TRIP12: variants seen among roughly 807,000 people sequenced by gnomAD.
The protein encoded by TRIP12 is thyroid hormone receptor interactor 12.
TRIP12 carries 25 observed loss-of-function variants against 244.2 expected under a neutral mutation model. The ratio of observed to expected loss-of-function variants is 0.10; its 90% CI spans 0.07 to 0.14. The LOEUF (loss-of-function observed/expected upper bound fraction) is 0.14, where lower values mean the gene tolerates loss of function less well. TRIP12 is among the 10% of genes least tolerant of loss of function. The probability of loss-of-function intolerance (pLI) is 1.00; values close to 1 mark genes in which losing one functional copy is unlikely to be tolerated. For missense variants in TRIP12, 1,677 were observed against 2,486.4 expected, an observed-to-expected ratio of 0.67 and a Z score of 6.92; for synonymous variants, 905 against 873.1, an observed-to-expected ratio of 1.04 and a Z score of -0.64.
chr2:229,861,775 T>A (rs1323800599), intron 2 of TRIP12, among the ~76,000 whole-genome samples: 1 of 152,166 alleles, frequency 6.6e-6, no homozygotes, highest in Non-Finnish European at 1.5e-5. Flanking sequence ...ATTAGCTTCT[T>A]AAGAAAGGAA....
chr2:229,768,895 G>C (rs548606292), intron 40 of TRIP12, among the ~76,000 whole-genome samples, 176 bp from the exon 41 acceptor site: 1 of 152,108 alleles, frequency 6.6e-6, no homozygotes, highest in Non-Finnish European at 1.5e-5. Flanking sequence ...AATTCAAATG[G>C]AATGATTACA....
Position 229,859,036 on chromosome 2 carries a change from A to T in TRIP12, c.763T>A (p.Ser255Thr). ...SSSSSAVASA[S>T]STVPPGARVK... ...CTGGCACCTGGTGGTACAGTGGAGG[A>T]GGCCGAGGCTACAGCAGAAGACGAG... Residue 255 changes from serine to threonine, a missense_variant, in exon 4 of 42, where the codon TCC becomes ACC. Physicochemically the swap from Ser to Thr is moderately conservative, Grantham distance 58. Transcript: ENST00000675903. The T allele has an allele frequency of 8.7e-6, 14 of 1,614,156 alleles. No individual in the cohort carries two copies. Among genetic ancestry groups the T allele is most frequent in the Non-Finnish European group, 1.0e-5 (12 of 1,180,026 alleles).
In TRIP12 at chr2:229,769,219, C is replaced by G. The variant is rs963005391; in HGVS notation, c.5903+12G>C. ...AGAATCAACAGAAAAACTGGCAGAC[C>G]CCAGTACTTACCTGTCATGAGTATA... On this transcript the variant is annotated intron_variant, in intron 40 of 41. Transcript: ENST00000675903. 2.7e-5 allele frequency: 43 copies of G among 1,609,748 alleles called. No individual in the cohort carries two copies. The highest frequency in any genetic ancestry group is 3.6e-5 in the Non-Finnish European group (42 of 1,177,738).
At position 229,834,295 on chromosome 2, in the gene TRIP12, A is replaced by T. The variant is rs185550506; in HGVS notation, c.1270+2553T>A. ...TGGACCACTTTCTTTATGTGATCTA[A>T]CCCTGATCATTTCTTCCGAAACTAT... is the stretch of plus-strand genomic sequence containing the variant. On this transcript the variant is annotated intron_variant, in intron 6 of 41. Transcript: ENST00000675903. Among the ~76,000 whole-genome samples the T allele has an allele frequency of 3.6e-4, 55 of 152,356 alleles. No individual in the cohort carries two copies. In the East Asian group the frequency reaches 8.1e-3, roughly 22 times the overall value.
chr2:229,864,041 AGAGAGAGTGTGTGTGT>A (rs1285411775), intron 2 of TRIP12, among the ~76,000 whole-genome samples: 9 of 71,754 alleles, frequency 1.3e-4, no homozygotes, highest in African/African-American at 4.7e-4. Flanking sequence ...AGAGAGAGAG[AGAGAGAGTGTGTGTGT>A]GTGTGTGTGT....
chr2:229,817,299 C>G (rs573807134), intron 9 of TRIP12, among the ~76,000 whole-genome samples: 4 of 152,268 alleles, frequency 2.6e-5, no homozygotes, highest in East Asian at 1.9e-4. Context: ...AAACATACCA[C>G]AAATGTAAAT....
intron 1 of TRIP12, among the ~76,000 whole-genome samples, chr2:229,903,443 T>G (rs2071664809): frequency 6.6e-6 from 1 of 152,032 alleles, no homozygotes; most frequent in Non-Finnish European, 1.5e-5. Context: ...GCTAAAACCT[T>G]ACGCATGAAG....
intron 38 of TRIP12, chr2:229,773,781 A>G (rs1179467491): frequency 4.8e-6 from 1 of 209,996 alleles, no homozygotes; most frequent in Admixed American, 5.2e-5. Flanking sequence ...GCCTTGATGG[A>G]AATGCAAAAA....
chr2:229,908,905 A>C (rs1193767845), intron 1 of TRIP12, among the ~76,000 whole-genome samples: 2 of 151,902 alleles, frequency 1.3e-5, no homozygotes, highest in Non-Finnish European at 2.9e-5. Flanking sequence ...CAACCTGGGC[A>C]ATATAGCGAG....
upstream of TRIP12, chr2:229,922,159 C>T (rs1201140508): frequency 1.5e-5 from 3 of 194,970 alleles, no homozygotes; most frequent in East Asian, 1.3e-4. Context: ...CATCGCCCCT[C>T]CCTCCCACGC....
intron 4 of TRIP12, among the ~76,000 whole-genome samples, chr2:229,851,678 T>A (rs965919610): frequency 1.3e-5 from 2 of 152,180 alleles, no homozygotes; most frequent in African/African-American, 4.8e-5. Flanking sequence ...GCTTCACTCC[T>A]GAAGCCAGCA....
At chr2:229,920,982 G>C (rs894792825) in intron 1 of TRIP12, among the ~76,000 whole-genome samples, 1 of 152,100 alleles carries the variant, frequency 6.6e-6, no homozygotes, top group South Asian at 2.1e-4. Context: ...CGCCTGACTC[G>C]CTCTGAATGC....
intron 27 of TRIP12, 133 bp downstream of exon 27, chr2:229,792,836 AAGAC>A: frequency 3.3e-6 from 3 of 903,602 alleles, no homozygotes; most frequent in Non-Finnish European, 4.8e-6. Flanking sequence ...TAGAAAATAA[AAGAC>A]AGGAATATAA....
intron 1 of TRIP12, among the ~76,000 whole-genome samples, chr2:229,890,441 T>G (rs1309880287): frequency 6.6e-6 from 1 of 152,192 alleles, no homozygotes; most frequent in East Asian, 1.9e-4. Context: ...TTAGGACGTC[T>G]ATTCCTGACT....
intron 1 of TRIP12, chr2:229,900,679 T>C (rs139302590): frequency 0.014 from 2,138 of 152,176 alleles, 27 homozygotes; most frequent in Non-Finnish European, 0.022. Flanking sequence ...CAGGCCAACA[T>C]GGTGAAACCC....
intron 6 of TRIP12, among the ~76,000 whole-genome samples, chr2:229,832,855 G>A (rs1019671818): frequency 1.3e-5 from 2 of 152,094 alleles, no homozygotes; most frequent in African/African-American, 4.8e-5. Context: ...ACTGTTACTA[G>A]GTACAATAAT....
rs779083488 is a variant in TRIP12 at position 229,859,059 on chromosome 2, G to A, written c.740C>T (p.Ser247Leu). Reference protein sequence around the residue: ...DSSSAASTSSSSSAVASASST... With the variant: ...DSSSAASTSSLSSAVASASST... Reference sequence around the variant, plus strand: ...GGAGGCCGAGGCTACAGCAGAAGACGAGGAGGAAGTAGAGGCAGCAGAAGA... The same window carrying A: ...GGAGGCCGAGGCTACAGCAGAAGACAAGGAGGAAGTAGAGGCAGCAGAAGA... Residue 247 changes from serine to leucine, a missense_variant, in exon 4 of 42, where the codon TCG becomes TTG. Transcript: ENST00000675903. 23 of 1,614,084 alleles carry A rather than the reference G, an allele frequency of 1.4e-5. No individual in the cohort carries two copies. The highest frequency in any genetic ancestry group is 9.3e-5 in the African/African-American group (7 of 74,930).
intron 8 of TRIP12, among the ~76,000 whole-genome samples, chr2:229,821,400 C>T (rs906433357): frequency 3.3e-5 from 5 of 152,292 alleles, no homozygotes; most frequent in African/African-American, 7.2e-5. Flanking sequence ...TATCACAGAT[C>T]AGGGTTTGGC....
At chr2:229,779,584 T>G (rs2037426898) in intron 34 of TRIP12, among the ~76,000 whole-genome samples, 1 of 152,112 alleles carries the variant, frequency 6.6e-6, no homozygotes, top group African/African-American at 2.4e-5. Flanking sequence ...TCGAATAAAA[T>G]ACAAATAATG....
Sources: allele counts gnomAD v4.1 joint callset (sites outside exome capture counted in the v4.1 genomes callset), GRCh38; gene constraint gnomAD v4.1.1; transcripts MANE v1.5; gene names NCBI Gene and HGNC (gene_info 2026-07-23, HGNC 2026-07-21).